The following PLGRKT variants were observed in gnomAD, a reference collection of about 807,000 sequenced individuals.
The protein encoded by PLGRKT is plasminogen receptor with a C-terminal lysine.
Under a neutral mutation model 18.5 loss-of-function variants are expected in PLGRKT, and 22 were observed. The observed-to-expected ratio is 1.19, with a 90% CI of 0.85 to 1.70. The LOEUF (loss-of-function observed/expected upper bound fraction) is 1.70. Ranked by LOEUF, PLGRKT falls within the 40% of genes most tolerant of loss-of-function variation. PLGRKT has a pLI of 0.00. For synonymous variants in PLGRKT, 72 were observed against 52.8 expected (o/e 1.36, Z -1.58); for missense variants, 235 against 174.4 (o/e 1.35, Z -1.96).
chr9:5,415,557 T>C (rs545144612), intron 3 of PLGRKT, among the ~76,000 whole-genome samples: 11 of 152,158 alleles, frequency 7.2e-5, no homozygotes, highest in Admixed American at 2.6e-4. Context: ...AAAGAAAAAA[T>C]AGTAACTTTA....
At position 5,389,634 on chromosome 9, in the gene PLGRKT, T is replaced by G. The variant is rs186943268; in HGVS notation, c.82-27746A>C. ...GACCCCAATTGCTTAGTCCTAGACA[T>G]GCTCATCTTCTCTGCTTCGCAAATG... On this transcript the variant is annotated intron_variant, in intron 3 of 5. Coordinates refer to ENST00000223864, the MANE Select transcript of PLGRKT (RefSeq NM_018465.4). Among the ~76,000 whole-genome samples the G allele has an allele frequency of 2.0e-5, 3 of 151,990 alleles. No individual in the cohort carries two copies. In the East Asian group the frequency reaches 5.8e-4, roughly 29 times the overall value.
chr9:5,424,920 T>C (rs1363138148), intron 3 of PLGRKT, among the ~76,000 whole-genome samples: 3 of 151,702 alleles, frequency 2.0e-5, no homozygotes, highest in African/African-American at 7.3e-5. Flanking sequence ...CTATACATAT[T>C]AATATTAAAT....
At chr9:5,360,355 G>C (rs566580162) in intron 5 of PLGRKT, among the ~76,000 whole-genome samples, 137 of 152,280 alleles carry the variant, frequency 9.0e-4, no homozygotes, top group Non-Finnish European at 1.6e-3. Context: ...AAATATTATA[G>C]GCTTGTGGAC....
At chr9:5,388,265 T>C (rs1586718334) in intron 3 of PLGRKT, among the ~76,000 whole-genome samples, 1 of 151,730 alleles carries the variant, frequency 6.6e-6, no homozygotes, top group African/African-American at 2.4e-5. Context: ...AGGCTGCAAG[T>C]GTGGTTTCCC....
intron 3 of PLGRKT, among the ~76,000 whole-genome samples, chr9:5,424,888 G>A (rs1010541366): frequency 6.6e-6 from 1 of 151,006 alleles, no homozygotes; most frequent in African/African-American, 2.4e-5. Flanking sequence ...CAGGATTATA[G>A]GCGTGAGCTA....
rs76589141 is a variant in PLGRKT, at chr9:5,436,846, A to G, written c.-132-152T>C. Among the ~76,000 whole-genome samples the G allele has an allele frequency of 3.3e-3, 505 of 152,330 alleles. 4 individuals are homozygous for G. Among genetic ancestry groups the G allele is most frequent in the African/African-American group, 0.012 (489 of 41,572 alleles). On this transcript the variant is annotated intron_variant, in intron 1 of 5. Coordinates refer to ENST00000223864, the MANE Select transcript of PLGRKT (RefSeq NM_018465.4). ...TAGGGTGTCCAGAACACTTTCAGCT[A>G]TCTCCTCTTGCTCACAAAATATGTA...
At chr9:5,404,979 C>G (rs1818228082) in intron 3 of PLGRKT, among the ~76,000 whole-genome samples, 1 of 151,928 alleles carries the variant, frequency 6.6e-6, no homozygotes. Flanking sequence ...TCCTATATAC[C>G]AACAATAGAC....
At chr9:5,375,625 T>C (rs924986971) in intron 3 of PLGRKT, among the ~76,000 whole-genome samples, 1 of 152,018 alleles carries the variant, frequency 6.6e-6, no homozygotes, top group Admixed American at 6.6e-5. Context: ...AATAAAAAAA[T>C]TGCCACTTTC....
At chr9:5,437,985 T>C (rs189017510), upstream of PLGRKT, 25 of 152,236 alleles carry the variant, frequency 1.6e-4, 1 homozygote, top group East Asian at 4.6e-3. Context: ...AGAAGCCGGG[T>C]GTGTCCTTCC....
chr9:5,428,969 T>C (rs779994636), intron 3 of PLGRKT, among the ~76,000 whole-genome samples: 1 of 152,248 alleles, frequency 6.6e-6, no homozygotes, highest in Non-Finnish European at 1.5e-5. Context: ...CCCAGTGTGC[T>C]GGGATTACAG....
At chr9:5,416,139 A>T (rs978229926) in intron 3 of PLGRKT, among the ~76,000 whole-genome samples, 8 of 152,016 alleles carry the variant, frequency 5.3e-5, no homozygotes, top group Non-Finnish European at 1.0e-4. Context: ...CATTTTTTTT[A>T]AAAATATGGA....
At chr9:5,407,861 T>A (rs1818285403) in intron 3 of PLGRKT, among the ~76,000 whole-genome samples, 1 of 152,200 alleles carries the variant, frequency 6.6e-6, no homozygotes, top group Admixed American at 6.5e-5. Context: ...TTGCCACTCT[T>A]AATTGCATCT....
chr9:5,380,021 A>G (rs1216789748), intron 3 of PLGRKT, among the ~76,000 whole-genome samples: 1 of 152,234 alleles, frequency 6.6e-6, no homozygotes, highest in African/African-American at 2.4e-5. Context: ...CCAGTAAGAG[A>G]ATGATTAAAT....
intron 3 of PLGRKT, among the ~76,000 whole-genome samples, chr9:5,406,460 G>A (rs1258926949): frequency 6.6e-6 from 1 of 152,144 alleles, no homozygotes; most frequent in East Asian, 1.9e-4. Flanking sequence ...TCCTTTGCAG[G>A]GCAATGGATG....
At chr9:5,396,559 T>C (rs1586724385) in intron 3 of PLGRKT, among the ~76,000 whole-genome samples, 2 of 152,012 alleles carry the variant, frequency 1.3e-5, no homozygotes, top group Non-Finnish European at 2.9e-5. Flanking sequence ...CCTCGCAAAG[T>C]GCTGGAATTA....
Position 5,361,664 on chromosome 9 carries a change from C to A in PLGRKT, c.212+94G>T, listed in dbSNP as rs1231707281. On this transcript the variant is annotated intron_variant, in intron 4 of 5. Transcript: ENST00000223864. Reference sequence around the variant, plus strand: ...CTTTGGTTACATACACTATTTGGACCAAAGTCTTATTCTGGCCAACTTCAT... The same window carrying A: ...CTTTGGTTACATACACTATTTGGACAAAAGTCTTATTCTGGCCAACTTCAT... 5.6e-6 allele frequency: 7 copies of A among 1,252,752 alleles called. No homozygotes were observed. In the East Asian group the frequency reaches 1.7e-4, roughly 30 times the overall value. The allele number at this position is 1,252,752 out of a possible 1,614,324, so 77.6% of individuals were successfully genotyped here. A position where few individuals can be genotyped will look rare whatever the true frequency, so the allele number is the denominator to read the frequency against.
rs997103128 is a variant in PLGRKT, at chr9:5,358,365, A to C, written c.323-5T>G. ...CCAGTATGTCCTCAGCTTCACCTTA[A>C]ATAAAGTACAGAAATACACAAGGTG... On this transcript the variant is annotated splice_region_variant and splice_polypyrimidine_tract_variant and intron_variant, in intron 5 of 5. Transcript: ENST00000223864. 3.1e-6 allele frequency: 5 copies of C among 1,612,374 alleles called. No individual in the cohort carries two copies. The highest frequency in any genetic ancestry group is 4.2e-6 in the Non-Finnish European group (5 of 1,179,100).
In PLGRKT at chr9:5,434,663, T is replaced by A. The variant is rs139493179; in HGVS notation, c.-7+1906A>T. Among the ~76,000 whole-genome samples, 904 of 145,552 alleles carry A rather than the reference T, an allele frequency of 6.2e-3. 7 individuals carry two copies. Among genetic ancestry groups the A allele is most frequent in the African/African-American group, 0.022 (852 of 38,862 alleles). Reference sequence around the variant, plus strand: ...TCATCTGGGATGTGAGGAGCACCGCTGCCCGGCCGCCACCCCGTCTGGGAA... The same window carrying A: ...TCATCTGGGATGTGAGGAGCACCGCAGCCCGGCCGCCACCCCGTCTGGGAA... On this transcript the variant is annotated intron_variant, in intron 2 of 5. Coordinates refer to ENST00000223864, the MANE Select transcript of PLGRKT (RefSeq NM_018465.4).
chr9:5,373,175 G>A (rs577547536), intron 3 of PLGRKT, among the ~76,000 whole-genome samples: 21 of 152,136 alleles, frequency 1.4e-4, no homozygotes, highest in Admixed American at 2.6e-4. Flanking sequence ...AAATTATTCC[G>A]TTTAAATCTC....
Sources: allele counts gnomAD v4.1 joint callset (sites outside exome capture counted in the v4.1 genomes callset), GRCh38; gene constraint gnomAD v4.1.1; transcripts MANE v1.5; gene names NCBI Gene and HGNC (gene_info 2026-07-23, HGNC 2026-07-21).